Variants in WWC2 observed in about 807,000 individuals in gnomAD.
WWC2 encodes the protein protein WWC2.
In WWC2, 101 loss-of-function variants were observed where a neutral mutation model predicts 138.5. The observed-to-expected ratio is 0.73, with a 90% confidence interval of 0.62 to 0.86. The LOEUF is 0.86. Among genes scored for constraint, WWC2 ranks in the 40% least tolerant of loss-of-function variants. WWC2 has a pLI of 0.00. For synonymous variants in WWC2, 558 were observed against 538.4 expected, an observed-to-expected ratio of 1.04 and a Z score of -0.50; for missense variants, 1,420 against 1,419.4, an observed-to-expected ratio of 1.00 and a Z score of -0.01.
rs376936191 is a variant in WWC2, at chr4:183,245,430, T to A, written c.617T>A (p.Met206Lys). The change falls in exon 6 of 23, where the codon ATG becomes AAG. Residue 206 changes from methionine (M) to lysine (K), a missense_variant. Met to Lys is a moderately conservative substitution (Grantham distance 95). Transcript: ENST00000403733. ...FETLQQIDKK[M>K]SGGQSGYELS... ...TCTTTTCACAGAATTGATAAAAAAA[T>A]GTCTGGAGGCCAGAGCGGGTATGAA... 139 of 1,559,474 alleles carry A rather than the reference T, an allele frequency of 8.9e-5. No individual in the cohort carries two copies. Among genetic ancestry groups the A allele is most frequent in the Non-Finnish European group, 1.2e-4 (134 of 1,161,714 alleles).
rs184431605 is a variant in WWC2, at chr4:183,243,028, T to C, written c.603-2388T>C. On this transcript the variant is annotated intron_variant, in intron 5 of 22. Transcript: ENST00000403733. Reference sequence around the variant, plus strand: ...ACGTTCCATGGTGAAAGCTGAGCTGTGTTCTTCACATTTAGCATTCTGTTG... The same window carrying C: ...ACGTTCCATGGTGAAAGCTGAGCTGCGTTCTTCACATTTAGCATTCTGTTG... Among the ~76,000 whole-genome samples, 500 of 152,346 alleles carry C rather than the reference T, an allele frequency of 3.3e-3. 12 individuals carry two copies. Among genetic ancestry groups the C allele is most frequent in the Admixed American group, 0.03 (465 of 15,308 alleles).
At chr4:183,284,920 T>A (rs1029942462) in intron 19 of WWC2, among the ~76,000 whole-genome samples, 1 of 152,208 alleles carries the variant, frequency 6.6e-6, no homozygotes, top group Non-Finnish European at 1.5e-5. Flanking sequence ...TATTTCTGAT[T>A]TATCTAGTAA....
intron 1 of WWC2, among the ~76,000 whole-genome samples, chr4:183,110,238 A>G (rs1206149227): frequency 1.3e-5 from 2 of 152,186 alleles, no homozygotes; most frequent in Non-Finnish European, 2.9e-5. Flanking sequence ...GAAGTACCAT[A>G]GTTGTTTGTT....
At chr4:183,172,474 G>C (rs1264764693) in intron 1 of WWC2, among the ~76,000 whole-genome samples, 1 of 151,636 alleles carries the variant, frequency 6.6e-6, no homozygotes, top group Non-Finnish European at 1.5e-5. Flanking sequence ...AAGTAATTTG[G>C]AGTAAAAATT....
intron 1 of WWC2, among the ~76,000 whole-genome samples, chr4:183,118,963 C>G (rs1343573433): frequency 6.6e-6 from 1 of 151,814 alleles, no homozygotes; most frequent in Non-Finnish European, 1.5e-5. Flanking sequence ...CCTGACAACA[C>G]TTTACTTCAT....
intron 21 of WWC2, among the ~76,000 whole-genome samples, chr4:183,305,430 TAC>T (rs147023374): frequency 6.6e-6 from 1 of 151,092 alleles, no homozygotes; most frequent in Non-Finnish European, 1.5e-5. Flanking sequence ...GCAAAATAAA[TAC>T]ACACACACAC....
At chr4:183,154,927 C>CA (rs1289451544) in intron 1 of WWC2, among the ~76,000 whole-genome samples, 1 of 152,234 alleles carries the variant, frequency 6.6e-6, no homozygotes, top group African/African-American at 2.4e-5. Flanking sequence ...GTTTTGCTTT[C>CA]ATGCTTCTTT....
intron 1 of WWC2, among the ~76,000 whole-genome samples, chr4:183,193,093 C>T (rs574527971): frequency 1.3e-5 from 2 of 152,228 alleles, no homozygotes; most frequent in African/African-American, 4.8e-5. Flanking sequence ...GTACAAGATA[C>T]TTATAAAAAA....
At chr4:183,225,303 C>G (rs1207675886) in intron 4 of WWC2, among the ~76,000 whole-genome samples, 4 of 152,102 alleles carry the variant, frequency 2.6e-5, no homozygotes, top group Non-Finnish European at 4.4e-5. Context: ...TGAACATCCA[C>G]AAATAGGCAG....
intron 17 of WWC2, 60 bp downstream of exon 17, chr4:183,280,957 C>T: frequency 2.0e-6 from 3 of 1,503,038 alleles, no homozygotes; most frequent in African/African-American, 2.8e-5. Context: ...ACACGGCTTA[C>T]AGTGAAACCT....
intron 16 of WWC2, among the ~76,000 whole-genome samples, chr4:183,280,355 A>G (rs1738028710): frequency 6.8e-6 from 1 of 146,332 alleles, no homozygotes; most frequent in African/African-American, 2.5e-5. Flanking sequence ...TTTACAGTTC[A>G]TTTTCTCTAA....
rs1405487820 is a variant in WWC2 at position 183,099,340 on chromosome 4, C to T, written c.-152C>T. The T allele has an allele frequency of 4.2e-6, 3 of 710,534 alleles. No individual in the cohort carries two copies. The highest frequency in any genetic ancestry group is 5.5e-6 in the Non-Finnish European group (3 of 542,640). The allele number at this position is 710,534 out of a possible 1,614,324, so 44.0% of individuals were successfully genotyped here. Reference sequence around the variant, plus strand: ...ACAGCGTTTCCTGAGGCACCTCCCGCGCGTGGTTCCGCCGCGCCCCGCGCC... The same window carrying T: ...ACAGCGTTTCCTGAGGCACCTCCCGTGCGTGGTTCCGCCGCGCCCCGCGCC... On this transcript the variant is annotated 5_prime_UTR_variant, in exon 1 of 23. Coordinates refer to ENST00000403733, the MANE Select transcript of WWC2 (RefSeq NM_024949.6).
chr4:183,298,994 A>G (rs773892330), intron 21 of WWC2, among the ~76,000 whole-genome samples: 5 of 152,182 alleles, frequency 3.3e-5, no homozygotes, highest in Non-Finnish European at 7.3e-5. Flanking sequence ...GTAGGAAACT[A>G]TGCTGTCTTA....
intron 1 of WWC2, among the ~76,000 whole-genome samples, chr4:183,137,906 A>T (rs560350085): frequency 6.6e-6 from 1 of 152,258 alleles, no homozygotes; most frequent in African/African-American, 2.4e-5. Context: ...CTTGTTCTTG[A>T]TACCTTTGTT....
At chr4:183,292,933 T>A (rs1047754638) in intron 21 of WWC2, among the ~76,000 whole-genome samples, 1 of 152,202 alleles carries the variant, frequency 6.6e-6, no homozygotes, top group Non-Finnish European at 1.5e-5. Flanking sequence ...CTATGTTGAA[T>A]TGTACAAAGG....
intron 20 of WWC2, among the ~76,000 whole-genome samples, chr4:183,287,944 C>T (rs1412689077): frequency 6.6e-6 from 1 of 152,220 alleles, no homozygotes; most frequent in African/African-American, 2.4e-5. Context: ...GCTTTCTTCT[C>T]TCCCAGAGAG....
chr4:183,205,302 G>T (rs7690160), intron 2 of WWC2, among the ~76,000 whole-genome samples: 1 of 152,228 alleles, frequency 6.6e-6, no homozygotes, highest in African/African-American at 2.4e-5. Context: ...CTTGTATTTC[G>T]CTGATAATTA....
At chr4:183,258,495 A>G (rs956959712) in intron 9 of WWC2, among the ~76,000 whole-genome samples, 1 of 152,234 alleles carries the variant, frequency 6.6e-6, no homozygotes. Flanking sequence ...TAACATTTCA[A>G]AGAGATTAGA....
At chr4:183,283,029 G>A (rs577339059) in intron 18 of WWC2, 123 bp downstream of exon 18, 25 of 996,054 alleles carry the variant, frequency 2.5e-5, no homozygotes, top group East Asian at 2.7e-5. Flanking sequence ...AAAGCTGATC[G>A]TGAAAGGCAT....
Sources: allele counts gnomAD v4.1 joint callset (sites outside exome capture counted in the v4.1 genomes callset), GRCh38; gene constraint gnomAD v4.1.1; transcripts MANE v1.5; gene names NCBI Gene and HGNC (gene_info 2026-07-23, HGNC 2026-07-21).